The following DNAH9 variants were observed in gnomAD, a reference collection of about 807,000 sequenced individuals.
The protein encoded by DNAH9 is dynein axonemal heavy chain 9.
DNAH9 carries 345 observed loss-of-function variants against 471.6 expected under a neutral mutation model. The ratio of observed to expected loss-of-function variants is 0.73; its 90% CI spans 0.67 to 0.80. The LOEUF (loss-of-function observed/expected upper bound fraction) is 0.80. Ranked by LOEUF, DNAH9 falls within the 30% of genes least tolerant of loss-of-function variation. The pLI is 0.00. For missense variants in DNAH9, 5,407 were observed against 5,609.2 expected (o/e 0.96, Z 1.15); for synonymous variants, 2,093 against 2,123.6 (o/e 0.99, Z 0.40).
In DNAH9 at chr17:11,636,622, C is replaced by T. The variant is rs767530140; in HGVS notation, c.1636-12C>T. ...TGATTTTTTTCCTCTTTTTCCTCCACCTTCCCTACAGCTGCTAGACATAGC... is the reference window on the plus strand; with the variant it reads ...TGATTTTTTTCCTCTTTTTCCTCCATCTTCCCTACAGCTGCTAGACATAGC... On this transcript the variant is annotated splice_polypyrimidine_tract_variant and intron_variant, in intron 8 of 68. Coordinates refer to ENST00000262442, the MANE Select transcript of DNAH9 (RefSeq NM_001372.4). The T allele has an allele frequency of 7.5e-5, 121 of 1,610,314 alleles. No homozygotes were observed. The highest frequency in any genetic ancestry group is 9.3e-5 in the Non-Finnish European group (110 of 1,177,598).
chr17:11,645,392 G>A (rs1203120129), intron 11 of DNAH9, among the ~76,000 whole-genome samples: 1 of 152,190 alleles, frequency 6.6e-6, no homozygotes, highest in African/African-American at 2.4e-5. Context: ...TCCACCACCA[G>A]TGTCTTCACA....
chr17:11,678,482 G>A (rs1426786465), intron 17 of DNAH9, among the ~76,000 whole-genome samples: 3 of 152,130 alleles, frequency 2.0e-5, no homozygotes, highest in Non-Finnish European at 4.4e-5. Flanking sequence ...AAATAGTTTT[G>A]TGGAGGGGAG....
rs748633763 is a variant in DNAH9 at position 11,793,541 on chromosome 17, A to C, written c.8100A>C (p.Thr2700=). 6.8e-6 allele frequency: 11 copies of C among 1,613,768 alleles called. No individual in the cohort carries two copies. The highest frequency in any genetic ancestry group is 8.5e-6 in the Non-Finnish European group (10 of 1,179,948). ...LFSSVECVKS[T]WDLIRLYLHE... is the part of the protein sequence containing the mutation. ...CCTCAGTGGAATGTGTGAAATCCACATGGGATCTTATAAGGCTCTATCTGC... is the reference window on the plus strand; with the variant it reads ...CCTCAGTGGAATGTGTGAAATCCACCTGGGATCTTATAAGGCTCTATCTGC... The change falls in exon 42 of 69, where the codon ACA becomes ACC. Residue 2700 remains threonine (T), a synonymous_variant. Coordinates refer to ENST00000262442, the MANE Select transcript of DNAH9 (RefSeq NM_001372.4).
chr17:11,687,394 G>A (rs1291662428), intron 19 of DNAH9, among the ~76,000 whole-genome samples: 4 of 152,086 alleles, frequency 2.6e-5, no homozygotes, highest in South Asian at 2.1e-4. Flanking sequence ...GTAAGCATTC[G>A]GGTAAATGAC....
intron 42 of DNAH9, among the ~76,000 whole-genome samples, chr17:11,796,952 A>G (rs1397612314): frequency 6.6e-6 from 1 of 152,218 alleles, no homozygotes; most frequent in African/African-American, 2.4e-5. Context: ...TATTTATTCA[A>G]CATGGTAACA....
At chr17:11,953,369 T>C (rs1251155634) in intron 67 of DNAH9, among the ~76,000 whole-genome samples, 1 of 152,196 alleles carries the variant, frequency 6.6e-6, no homozygotes, top group Non-Finnish European at 1.5e-5. Flanking sequence ...ATCAGTGGCT[T>C]TACCTTGCTT....
At chr17:11,923,145 G>A (rs1372311163) in intron 61 of DNAH9, among the ~76,000 whole-genome samples, 6 of 152,098 alleles carry the variant, frequency 3.9e-5, no homozygotes, top group African/African-American at 1.4e-4. Flanking sequence ...GCGTGATCTC[G>A]TCTCACTGCA....
chr17:11,730,921 A>G (rs1009210200), intron 28 of DNAH9, among the ~76,000 whole-genome samples: 11 of 134,906 alleles, frequency 8.2e-5, no homozygotes, highest in Non-Finnish European at 1.6e-5. Context: ...GGTAATGATG[A>G]TGGTGGTGGT....
At chr17:11,936,488 G>A (rs796547609) in intron 65 of DNAH9, among the ~76,000 whole-genome samples, 8 of 152,192 alleles carry the variant, frequency 5.3e-5, no homozygotes, top group African/African-American at 1.2e-4. Context: ...ATAAAAAATC[G>A]GCTTGAGCAT....
chr17:11,702,012 G>A (rs2074609208), intron 24 of DNAH9, among the ~76,000 whole-genome samples: 1 of 152,084 alleles, frequency 6.6e-6, no homozygotes, highest in South Asian at 2.1e-4. Flanking sequence ...GGAGGCTCAG[G>A]GTACTCTGGG....
intron 22 of DNAH9, among the ~76,000 whole-genome samples, chr17:11,698,155 TTAA>T (rs1361955519): frequency 8.1e-6 from 1 of 123,902 alleles, no homozygotes; most frequent in African/African-American, 3.3e-5. Context: ...TATTATATTA[TTAA>T]TATATTATTA....
At chr17:11,770,531 C>T (rs189845813) in intron 38 of DNAH9, among the ~76,000 whole-genome samples, 68 of 152,308 alleles carry the variant, frequency 4.5e-4, no homozygotes, top group South Asian at 8.3e-4. Flanking sequence ...TCCCCCCACC[C>T]GCCCTTCGAT....
At chr17:11,622,130 A>C (rs1043753561) in intron 6 of DNAH9, among the ~76,000 whole-genome samples, 1 of 152,106 alleles carries the variant, frequency 6.6e-6, no homozygotes, top group African/African-American at 2.4e-5. Context: ...GGGAGCAAGA[A>C]AGAGGGGTCT....
chr17:11,667,190 C>T (rs1046330117), intron 15 of DNAH9, among the ~76,000 whole-genome samples: 18 of 152,110 alleles, frequency 1.2e-4, no homozygotes, highest in African/African-American at 4.3e-4. Flanking sequence ...GCAACTTTGT[C>T]TATTAATTTA....
At chr17:11,713,450 T>C (rs980817705) in intron 26 of DNAH9, among the ~76,000 whole-genome samples, 1 of 152,170 alleles carries the variant, frequency 6.6e-6, no homozygotes, top group African/African-American at 2.4e-5. Flanking sequence ...ATGGTAGTCC[T>C]GCTTTTAGCT....
chr17:11,790,583 C>G (rs894479921), intron 41 of DNAH9, among the ~76,000 whole-genome samples: 1 of 151,978 alleles, frequency 6.6e-6, no homozygotes, highest in Non-Finnish European at 1.5e-5. Context: ...CTCCCATAAG[C>G]AGCATACGGT....
At chr17:11,880,317 TC>T (rs768905394) in intron 54 of DNAH9, 117 bp downstream of exon 54, 54 of 1,300,230 alleles carry the variant, frequency 4.2e-5, no homozygotes, top group Non-Finnish European at 5.2e-5. Context: ...GTCAAGTAGC[TC>T]CCTGCAGCAC....
rs2073946923 is a variant in DNAH9 at position 11,669,878 on chromosome 17, C to G, written c.3353+84C>G. 13 of 1,192,616 alleles carry G rather than the reference C, an allele frequency of 1.1e-5. No homozygotes were observed. The Admixed American group carries it at 2.5e-4, about 23-fold the overall frequency. 73.9% of individuals were successfully genotyped at this position (1,192,616 alleles called of 1,614,324 possible). On this transcript the variant is annotated intron_variant, in intron 17 of 68. Coordinates refer to ENST00000262442, the MANE Select transcript of DNAH9 (RefSeq NM_001372.4). The stretch of plus-strand genomic sequence containing the variant: ...TTAAACCTTTTTTATATTTTTTCCC[C>G]ATGGGTATGTTGGTTAAATTAAAGA...
intron 45 of DNAH9, among the ~76,000 whole-genome samples, chr17:11,820,983 G>A (rs1205506105): frequency 6.6e-6 from 1 of 151,974 alleles, no homozygotes; most frequent in South Asian, 2.1e-4. Flanking sequence ...TTAGTGTGCT[G>A]TATAAGATCA....
Sources: gnomAD v4.1 joint callset for allele counts (sites outside exome capture counted in the v4.1 genomes callset) on GRCh38, gnomAD v4.1.1 for gene constraint, MANE v1.5 for transcripts, NCBI Gene and HGNC (gene_info 2026-07-23, HGNC 2026-07-21) for gene names.